FLT3: variants seen among roughly 807,000 people sequenced by gnomAD.
FLT3 encodes the protein receptor-type tyrosine-protein kinase FLT3.
In FLT3, 46 loss-of-function variants were observed where a neutral mutation model predicts 126.6. The observed-to-expected ratio is 0.36, with a 90% CI of 0.29 to 0.46. The LOEUF (loss-of-function observed/expected upper bound fraction) is 0.46, where lower values mean the gene tolerates loss of function less well. Among genes scored for constraint, FLT3 ranks in the 20% least tolerant of loss-of-function variants. The pLI, the probability that FLT3 is intolerant of heterozygous loss-of-function variation, is 1.00. For synonymous variants in FLT3, 404 were observed against 434.4 expected, an observed-to-expected ratio of 0.93 and a Z score of 0.87; for missense variants, 1,069 against 1,190.3, an observed-to-expected ratio of 0.90 and a Z score of 1.50.
At chr13:28,030,701 A>G (rs1438850543) in intron 15 of FLT3, among the ~76,000 whole-genome samples, 2 of 152,128 alleles carry the variant, frequency 1.3e-5, no homozygotes, top group African/African-American at 4.8e-5. Context: ...GCTTGTCTCT[A>G]CTTAAAAATA....
At chr13:28,070,393 T>G in intron 2 of FLT3, 98 bp downstream of exon 2, 1 of 984,372 alleles carries the variant, frequency 1.0e-6, no homozygotes, top group Non-Finnish European at 1.5e-6. Context: ...CTTAAATACA[T>G]AAAGAGAAGC....
chr13:28,023,213 G>A (rs1042498452), intron 19 of FLT3, 137 bp downstream of exon 19: 106 of 849,746 alleles, frequency 1.2e-4, no homozygotes, highest in Middle Eastern at 7.2e-4. Flanking sequence ...AAGGTAACAC[G>A]CTAGGTGACT....
chr13:28,051,913 G>A (rs1384486664), intron 5 of FLT3, among the ~76,000 whole-genome samples: 1 of 151,426 alleles, frequency 6.6e-6, no homozygotes, highest in Non-Finnish European at 1.5e-5. Context: ...CCAACCAGAT[G>A]CCCAGGGAGC....
At chr13:28,027,341 C>T in intron 16 of FLT3, 100 bp from the exon 17 acceptor site, 4 of 912,560 alleles carry the variant, frequency 4.4e-6, no homozygotes, top group Non-Finnish European at 6.5e-6. Context: ...GCTTGGTTCT[C>T]TGCTGACTTG....
chr13:28,037,084 T>C (rs17086242), intron 10 of FLT3, 101 bp downstream of exon 10: 36,702 of 697,758 alleles, frequency 0.053, 1,493 homozygotes, highest in Admixed American at 0.16. Context: ...AACAGTTTTG[T>C]AGTAGCCCTT....
chr13:28,059,985 TAAATAAATAAATAAA>T (rs1354957823), intron 3 of FLT3, among the ~76,000 whole-genome samples: 7 of 149,868 alleles, frequency 4.7e-5, no homozygotes, highest in African/African-American at 1.2e-4. Context: ...AATAAATAAA[TAAATAAATAAATAAA>T]TTTAAAAAAG....
At chr13:28,082,407 C>T (rs1248169894) in intron 1 of FLT3, among the ~76,000 whole-genome samples, 2 of 152,152 alleles carry the variant, frequency 1.3e-5, no homozygotes, top group Admixed American at 1.3e-4. Flanking sequence ...AGCAACCCCC[C>T]TTGCCTCGTC....
intron 6 of FLT3, 97 bp downstream of exon 6, chr13:28,049,998 C>G: frequency 1.5e-6 from 2 of 1,363,678 alleles, no homozygotes; most frequent in South Asian, 1.3e-5. Flanking sequence ...GATAGGATTT[C>G]TGAAGTTGAA....
rs962120581 is a variant in FLT3 at position 28,048,539 on chromosome 13, C to CA, written c.1037-97dup. 1.9e-4 allele frequency: 163 copies of CA among 854,182 alleles called. 1 individual carries two copies. In the African/African-American group the frequency reaches 2.6e-3, roughly 14 times the overall value. 52.9% of individuals were successfully genotyped at this position (854,182 alleles called of 1,614,324 possible). On this transcript the variant is annotated intron_variant, in intron 8 of 23. Transcript: ENST00000241453. ...TAAACTTGTATTCATCAGTTTAACACAGGAAAACTCAAGTGTTGGCATGCT... is the reference window on the plus strand; with the variant it reads ...TAAACTTGTATTCATCAGTTTAACACAAGGAAAACTCAAGTGTTGGCATGCT...
Position 28,050,157 on chromosome 13 carries a change from G to T in FLT3, c.680C>A (p.Thr227Lys), listed in dbSNP as rs1933437. 2 of 1,613,678 alleles carry T rather than the reference G, an allele frequency of 1.2e-6. No homozygotes were observed. Among genetic ancestry groups the T allele is most frequent in the Non-Finnish European group, 1.7e-6 (2 of 1,179,844 alleles). ...ATTTCTGGCACAGCACCTTATGTCCGTCCCAAATAATTCATGAAGCACTTT... is the reference window on the plus strand; with the variant it reads ...ATTTCTGGCACAGCACCTTATGTCCTTCCCAAATAATTCATGAAGCACTTT... ...EEKVLHELFGTDIRCCARNEL... is the reference protein window; with the variant it reads ...EEKVLHELFGKDIRCCARNEL... Residue 227 changes from threonine to lysine, a missense_variant, in exon 6 of 24, where the codon ACG becomes AAG. Physicochemically the swap from Thr to Lys is moderately conservative, Grantham distance 78. Coordinates refer to ENST00000241453, the MANE Select transcript of FLT3 (RefSeq NM_004119.3).
chr13:28,052,813 G>A (rs968204629), intron 4 of FLT3, 139 bp from the exon 5 acceptor site: 8 of 485,402 alleles, frequency 1.6e-5, no homozygotes, highest in African/African-American at 3.9e-5. Context: ...CATAATAAAG[G>A]CATCAAAAGC....
At chr13:28,070,945 T>TTGTG (rs774618098) in intron 1 of FLT3, among the ~76,000 whole-genome samples, 2 of 149,802 alleles carry the variant, frequency 1.3e-5, no homozygotes, top group Admixed American at 6.7e-5. Context: ...TATACATGAT[T>TTGTG]TGTGTGTGTG....
In FLT3 at chr13:28,015,300, C is replaced by G. The variant is rs1444145500; in HGVS notation, c.2654-44G>C. 5 of 1,258,964 alleles carry G rather than the reference C, an allele frequency of 4.0e-6. No homozygotes were observed. In the East Asian group the frequency reaches 1.2e-4, roughly 30 times the overall value. The allele number at this position is 1,258,964 out of a possible 1,614,324, so 78.0% of individuals were successfully genotyped here. ...AATTGCAGCCATTCATCCATTTCTT[C>G]ATTTGTTTATTGATTCATTCAATTA... On this transcript the variant is annotated intron_variant, in intron 21 of 23. Transcript: ENST00000241453.
chr13:28,081,235 A>G (rs75684486), intron 1 of FLT3, among the ~76,000 whole-genome samples: 1 of 152,310 alleles, frequency 6.6e-6, no homozygotes, highest in African/African-American at 2.4e-5. Flanking sequence ...CATTATAACA[A>G]TATTGAGTTT....
chr13:28,033,778 A>G (rs1873569439), intron 15 of FLT3, 109 bp downstream of exon 15: 4 of 867,732 alleles, frequency 4.6e-6, no homozygotes, highest in Non-Finnish European at 3.8e-6. Context: ...GCCTTGAAAC[A>G]TGGCAAACAG....
chr13:28,028,120 C>A, intron 16 of FLT3, 58 bp downstream of exon 16: 1 of 837,008 alleles, frequency 1.2e-6, no homozygotes. Flanking sequence ...AGCAAACATC[C>A]TCTTTGTCAT....
chr13:28,022,429 T>C (rs1397458402), intron 19 of FLT3, among the ~76,000 whole-genome samples: 1 of 152,038 alleles, frequency 6.6e-6, no homozygotes, highest in Non-Finnish European at 1.5e-5. Context: ...TGAGAATTGC[T>C]TGAACCCAGG....
rs12430047 is a variant in FLT3, at chr13:28,034,572, G to A, written c.1598-165C>T. Among the ~76,000 whole-genome samples, 884 of 152,286 alleles carry A rather than the reference G, an allele frequency of 5.8e-3. 3 individuals carry two copies. Among genetic ancestry groups the A allele is most frequent in the Admixed American group, 0.02 (304 of 15,290 alleles). The stretch of plus-strand genomic sequence containing the variant: ...TACTCCCCACAGACAATCAGGCAAT[G>A]TCCCTGTAAAGGATACATTTCCTCC... On this transcript the variant is annotated intron_variant, in intron 12 of 23. Transcript: ENST00000241453.
chr13:28,015,544 G>A (rs1490357679), intron 21 of FLT3, 46 bp downstream of exon 21: 5 of 1,088,344 alleles, frequency 4.6e-6, no homozygotes, highest in Admixed American at 1.8e-5. Context: ...GAGAGCAGAG[G>A]ATGCAAAGCC....
Sources: gnomAD v4.1 joint callset for allele counts (sites outside exome capture counted in the v4.1 genomes callset) on GRCh38, gnomAD v4.1.1 for gene constraint, MANE v1.5 for transcripts, NCBI Gene and HGNC (gene_info 2026-07-23, HGNC 2026-07-21) for gene names.